Variants in SEC22A observed in about 807,000 individuals in gnomAD.
The protein encoded by SEC22A is SEC22 homolog A, vesicle trafficking protein, also known as vesicle-trafficking protein SEC22a.
SEC22A carries 22 observed loss-of-function variants against 35.3 expected under a neutral mutation model. That is an observed-to-expected ratio of 0.62 (90% confidence interval 0.45 to 0.89). SEC22A has a LOEUF of 0.89. Ranked by LOEUF, SEC22A falls within the 40% of genes least tolerant of loss-of-function variation. The pLI, the probability that SEC22A is intolerant of heterozygous loss-of-function variation, is 0.00. For synonymous variants in SEC22A, 119 were observed against 129.5 expected (o/e 0.92, Z 0.55); for missense variants, 354 against 362.5 (o/e 0.98, Z 0.19).
Position 123,271,941 on chromosome 3 carries a change from T to G in SEC22A, c.*219T>G, listed in dbSNP as rs1938177190. The stretch of plus-strand genomic sequence containing the variant: ...GACTATCATTCAGAGGAGGAGGGGA[T>G]TTCTCTCTTCAAGGCCGTAACAGTG... On this transcript the variant is annotated 3_prime_UTR_variant, in exon 7 of 7. Coordinates refer to ENST00000492595, the MANE Select transcript of SEC22A (RefSeq NM_012430.5). The G allele has an allele frequency of 1.8e-6, 1 of 568,258 alleles. No homozygotes were observed. The highest frequency in any genetic ancestry group is 1.9e-5 in the African/African-American group (1 of 53,378). 35.2% of individuals were successfully genotyped at this position (568,258 alleles called of 1,614,324 possible). A position where few individuals can be genotyped will look rare whatever the true frequency, so the allele number is the denominator to read the frequency against.
chr3:123,265,541 A>G (rs780031601), intron 6 of SEC22A, among the ~76,000 whole-genome samples: 4 of 152,094 alleles, frequency 2.6e-5, no homozygotes, highest in Admixed American at 6.6e-5. Context: ...TTCACAGAAC[A>G]AAAGTTTTTA....
intron 4 of SEC22A, among the ~76,000 whole-genome samples, chr3:123,231,934 A>T (rs1006647872): frequency 5.3e-5 from 8 of 152,262 alleles, no homozygotes; most frequent in African/African-American, 1.7e-4. Context: ...CCAGAAAATA[A>T]TTACTCAAAT....
chr3:123,241,064 G>A (rs1937516093), intron 4 of SEC22A, among the ~76,000 whole-genome samples: 2 of 146,600 alleles, frequency 1.4e-5, no homozygotes, highest in South Asian at 4.4e-4. Context: ...AATCCAACAG[G>A]TATTTATCAT....
intron 5 of SEC22A, among the ~76,000 whole-genome samples, chr3:123,252,758 T>TA (rs1937628826): frequency 1.3e-5 from 2 of 152,220 alleles, no homozygotes; most frequent in African/African-American, 4.8e-5. Flanking sequence ...TCCAGATTAT[T>TA]AACTGCCTCA....
intron 4 of SEC22A, among the ~76,000 whole-genome samples, chr3:123,239,081 A>G (rs935149842): frequency 1.3e-5 from 2 of 152,124 alleles, no homozygotes; most frequent in African/African-American, 4.8e-5. Context: ...ATTTACGTAT[A>G]TTAAAATGCA....
intron 4 of SEC22A, among the ~76,000 whole-genome samples, chr3:123,230,063 C>T (rs1276523111): frequency 6.6e-6 from 1 of 151,866 alleles, no homozygotes; most frequent in African/African-American, 2.4e-5. Context: ...TGGGAGGATC[C>T]CATGAGCCCA....
At chr3:123,204,299 A>G (rs1936810983) in intron 1 of SEC22A, among the ~76,000 whole-genome samples, 1 of 152,256 alleles carries the variant, frequency 6.6e-6, no homozygotes, top group African/African-American at 2.4e-5. Context: ...TTCAAAGACC[A>G]ATATTAGGTA....
chr3:123,260,131 C>A (rs1576503644), intron 6 of SEC22A, among the ~76,000 whole-genome samples: 1 of 49,774 alleles, frequency 2.0e-5, no homozygotes, highest in Non-Finnish European at 3.2e-5. Context: ...GACTACATCT[C>A]AAAAAAAAAA....
Position 123,270,154 on chromosome 3 carries a change from A to C in SEC22A, c.724-1368A>C, listed in dbSNP as rs1938126596. On this transcript the variant is annotated intron_variant, in intron 6 of 6. Coordinates refer to ENST00000492595, the MANE Select transcript of SEC22A (RefSeq NM_012430.5). ...ATGATTACATAAGAGGATAACGGGG[A>C]ACAGGGTGAAGAGTATACAGTAAAC... Among the ~76,000 whole-genome samples, 7 of 152,196 alleles carry C rather than the reference A, an allele frequency of 4.6e-5. No homozygotes were observed. In the South Asian group the frequency reaches 1.5e-3, roughly 32 times the overall value.
chr3:123,209,386 CATT>C lies in SEC22A; in HGVS notation c.172_174del (p.Tyr58del). On this transcript the variant is annotated inframe_deletion, in exon 2 of 7. Coordinates refer to ENST00000492595, the MANE Select transcript of SEC22A (RefSeq NM_012430.5). Reference sequence around the variant, plus strand: ...TGATAGATGTACACTGAAAACTGGACATTATAACATTAAGTAAGACTTCAGTTT... The same window carrying C: ...TGATAGATGTACACTGAAAACTGGACATAACATTAAGTAAGACTTCAGTTT... The C allele has an allele frequency of 6.2e-7, 1 of 1,609,816 alleles. No homozygotes were observed. The highest frequency in any genetic ancestry group is 8.5e-7 in the Non-Finnish European group (1 of 1,176,714).
Position 123,273,808 on chromosome 3 carries a change from C to CAAAAAAAAAAAAAAAAAAAAAAAAAAA in SEC22A, c.*2092_*2093insAAAAAAAAAAAAAAAAAAAAAAAAAAA, listed in dbSNP as rs1433321578. 6 of 151,626 alleles carry CAAAAAAAAAAAAAAAAAAAAAAAAAAA rather than the reference C, an allele frequency of 4.0e-5. No individual in the cohort carries two copies. Among genetic ancestry groups the CAAAAAAAAAAAAAAAAAAAAAAAAAAA allele is most frequent in the African/African-American group, 1.2e-4 (5 of 41,036 alleles). The allele number at this position is 151,626 out of a possible 1,614,324, so 9.4% of individuals were successfully genotyped here. On this transcript the variant is annotated 3_prime_UTR_variant, in exon 7 of 7. Coordinates refer to ENST00000492595, the MANE Select transcript of SEC22A (RefSeq NM_012430.5). Reference sequence around the variant, plus strand: ...TGGCCAACAGAGCGAGACTCTGTCTCAAAAAAGAAAGGTTTTCTAAACTAA... The same window carrying CAAAAAAAAAAAAAAAAAAAAAAAAAAA: ...TGGCCAACAGAGCGAGACTCTGTCTCAAAAAAAAAAAAAAAAAAAAAAAAAAAAAAAAAGAAAGGTTTTCTAAACTAA...
chr3:123,228,734 G>C (rs1937261077), intron 4 of SEC22A, among the ~76,000 whole-genome samples: 1 of 151,916 alleles, frequency 6.6e-6, no homozygotes, highest in South Asian at 2.1e-4. Flanking sequence ...CATGTTCAAA[G>C]ACTAAAGGAA....
Position 123,228,412 on chromosome 3 carries a change from A to G in SEC22A, c.541+3115A>G, listed in dbSNP as rs945010322. Among the ~76,000 whole-genome samples the G allele has an allele frequency of 3.2e-4, 48 of 151,054 alleles. 1 individual carries two copies. Among genetic ancestry groups the G allele is most frequent in the Non-Finnish European group, 6.2e-4 (42 of 67,750 alleles). On this transcript the variant is annotated intron_variant, in intron 4 of 6. Transcript: ENST00000492595. The stretch of plus-strand genomic sequence containing the variant: ...AAATCCCGTCTCTACTAAAAAAAAA[A>G]AAAAAAAAAAAAATTAGTTGGGCAG...
chr3:123,210,248 G>A (rs771294838), intron 2 of SEC22A, among the ~76,000 whole-genome samples: 1 of 152,224 alleles, frequency 6.6e-6, no homozygotes, highest in Non-Finnish European at 1.5e-5. Context: ...ACTCAGAGAA[G>A]TTCAGGTGGA....
intron 2 of SEC22A, among the ~76,000 whole-genome samples, chr3:123,213,049 A>C (rs1936965190): frequency 6.6e-6 from 1 of 152,202 alleles, no homozygotes; most frequent in African/African-American, 2.4e-5. Flanking sequence ...CAGAAGTCTA[A>C]TCTGGTCTAG....
At chr3:123,215,582 A>T in intron 2 of SEC22A, among the ~76,000 whole-genome samples, 1 of 152,158 alleles carries the variant, frequency 6.6e-6, no homozygotes, top group Non-Finnish European at 1.5e-5. Context: ...GGGCAGGTAG[A>T]TGCTGGGTAG....
intron 2 of SEC22A, among the ~76,000 whole-genome samples, chr3:123,213,746 T>G (rs1261162850): frequency 6.6e-6 from 1 of 152,228 alleles, no homozygotes; most frequent in Non-Finnish European, 1.5e-5. Context: ...GAAATTGAGA[T>G]ACTCTTTCTT....
chr3:123,213,536 C>G (rs1248707869), intron 2 of SEC22A, among the ~76,000 whole-genome samples: 2 of 152,196 alleles, frequency 1.3e-5, no homozygotes, highest in East Asian at 3.8e-4. Context: ...CTAATGATCT[C>G]ACTCCTTTCA....
chr3:123,243,863 AT>A (rs1384559917), intron 4 of SEC22A: 1 of 152,204 alleles, frequency 6.6e-6, no homozygotes, highest in African/African-American at 2.4e-5. Flanking sequence ...GAAACATTTA[AT>A]TTTGTTATCA....
Sources: gnomAD v4.1 joint callset for allele counts (sites outside exome capture counted in the v4.1 genomes callset) on GRCh38, gnomAD v4.1.1 for gene constraint, MANE v1.5 for transcripts, NCBI Gene and HGNC (gene_info 2026-07-23, HGNC 2026-07-21) for gene names.